Variants in TFRC observed in about 807,000 individuals in gnomAD.
TFRC encodes the protein transferrin receptor protein 1.
TFRC carries 35 observed loss-of-function variants against 85.8 expected under a neutral mutation model. The ratio of observed to expected loss-of-function variants is 0.41; its 90% CI spans 0.31 to 0.54. The LOEUF is 0.54. Among genes scored for constraint, TFRC ranks in the 20% least tolerant of loss-of-function variants. TFRC has a pLI of 0.31. For synonymous variants in TFRC, 362 were observed against 328.6 expected, an observed-to-expected ratio of 1.10 and a Z score of -1.10; for missense variants, 828 against 921.5, an observed-to-expected ratio of 0.90 and a Z score of 1.31.
Position 196,051,221 on chromosome 3 carries a change from A to G in TFRC, c.*721T>C, listed in dbSNP as rs1716278343. The G allele has an allele frequency of 4.6e-6, 1 of 217,530 alleles. No homozygotes were observed. The highest frequency in any genetic ancestry group is 2.2e-5 in the African/African-American group (1 of 44,458). The allele number at this position is 217,530 out of a possible 1,614,324, so 13.5% of individuals were successfully genotyped here. ...TCAATGTGCTTTGGAAGAAACAAAAATAACAAAGAACTAAATGGAGGCTTA... is the reference window on the plus strand; with the variant it reads ...TCAATGTGCTTTGGAAGAAACAAAAGTAACAAAGAACTAAATGGAGGCTTA... On this transcript the variant is annotated 3_prime_UTR_variant, in exon 19 of 19. Coordinates refer to ENST00000360110, the MANE Select transcript of TFRC (RefSeq NM_001128148.3).
chr3:196,076,252 T>G (rs893022189), intron 2 of TFRC, among the ~76,000 whole-genome samples: 5 of 151,910 alleles, frequency 3.3e-5, no homozygotes, highest in African/African-American at 9.6e-5. Context: ...TGGATGGCTG[T>G]TTTTTTTGTA....
At chr3:196,061,942 G>A (rs1717317757) in intron 13 of TFRC, among the ~76,000 whole-genome samples, 1 of 152,192 alleles carries the variant, frequency 6.6e-6, no homozygotes, top group South Asian at 2.1e-4. Context: ...TGTGCTCACT[G>A]TGTAACTTGA....
chr3:196,066,370 C>T (rs1402056226), intron 9 of TFRC, among the ~76,000 whole-genome samples: 2 of 151,704 alleles, frequency 1.3e-5, no homozygotes, highest in African/African-American at 4.8e-5. Flanking sequence ...AGGCAGAATT[C>T]CTTGAACCCA....
At chr3:196,055,864 GTC>G (rs551443980) in intron 16 of TFRC, among the ~76,000 whole-genome samples, 3 of 144,020 alleles carry the variant, frequency 2.1e-5, no homozygotes, top group Admixed American at 7.0e-5. Flanking sequence ...TTGAGACGAG[GTC>G]TCTCTCTGTC....
chr3:196,052,293 T>TAA, intron 18 of TFRC, 109 bp from the exon 19 acceptor site: 2 of 54,282 alleles, frequency 3.7e-5, no homozygotes, highest in Non-Finnish European at 6.7e-5. Flanking sequence ...CCGATCAGAC[T>TAA]TTTTTTTTTT....
At position 196,064,313 on chromosome 3, in the gene TFRC, T is replaced by C; in HGVS notation, c.1314A>G (p.Leu438=). 6.2e-7 allele frequency: 1 copy of C among 1,607,964 alleles called. No homozygotes were observed. The highest frequency in any genetic ancestry group is 2.2e-5 in the East Asian group (1 of 44,806). ...KLAQMFSDMV[L]KDGFQPSRSI... ...GAATCAAAATTTGTACTCTACCTTT[T>C]AAGACCATATCTGAGAACATCTGGG... The change falls in exon 11 of 19, where the codon TTA becomes TTG. Residue 438 remains leucine, a synonymous_variant. Coordinates refer to ENST00000360110, the MANE Select transcript of TFRC (RefSeq NM_001128148.3).
intron 16 of TFRC, 50 bp from the exon 17 acceptor site, chr3:196,055,351 A>C: frequency 6.6e-7 from 1 of 1,504,598 alleles, no homozygotes; most frequent in Non-Finnish European, 9.3e-7. Context: ...TAAGAGCAAG[A>C]GCCTCACATT....
chr3:196,060,798 A>AAAG (rs1717216439), intron 13 of TFRC, among the ~76,000 whole-genome samples: 1 of 27,220 alleles, frequency 3.7e-5, no homozygotes, highest in Non-Finnish European at 7.5e-5. Context: ...ACTCCATCTC[A>AAAG]AAAAAAAAAA....
intron 5 of TFRC, among the ~76,000 whole-genome samples, 163 bp from the exon 6 acceptor site, chr3:196,071,661 C>A (rs1718218471): frequency 6.6e-6 from 1 of 152,240 alleles, no homozygotes; most frequent in South Asian, 2.1e-4. Context: ...CGGTGGCTCA[C>A]GCCTGTAATC....
At chr3:196,053,305 T>A in intron 18 of TFRC, 113 bp downstream of exon 18, 1 of 1,176,320 alleles carries the variant, frequency 8.5e-7, no homozygotes, top group Non-Finnish European at 1.2e-6. Context: ...CCATTAATGC[T>A]CCCTTCTTAA....
At chr3:196,069,709 A>G in intron 6 of TFRC, 141 bp from the exon 7 acceptor site, 1 of 547,040 alleles carries the variant, frequency 1.8e-6, no homozygotes, top group Non-Finnish European at 3.2e-6. Context: ...TAAAAAAGAC[A>G]TGAGTTCTAA....
At chr3:196,068,574 G>GCA in intron 7 of TFRC, among the ~76,000 whole-genome samples, 1 of 122,034 alleles carries the variant, frequency 8.2e-6, no homozygotes, top group East Asian at 2.5e-4. Flanking sequence ...TTGCGCCACT[G>GCA]CACTCCAGCC....
At chr3:196,065,206 G>A (rs1398924476) in intron 10 of TFRC, among the ~76,000 whole-genome samples, 3 of 149,136 alleles carry the variant, frequency 2.0e-5, no homozygotes, top group African/African-American at 7.4e-5. Flanking sequence ...AAATTGCAGT[G>A]AGCCGAGATC....
chr3:196,067,592 T>C lies in TFRC; in HGVS notation c.966A>G (p.Pro322=). The C allele has an allele frequency of 6.2e-7, 1 of 1,614,078 alleles. No individual in the cohort carries two copies. The highest frequency in any genetic ancestry group is 8.5e-7 in the Non-Finnish European group (1 of 1,180,010). The change falls in exon 9 of 19, where the codon CCA becomes CCG. Residue 322 remains proline (P), a synonymous_variant. Transcript: ENST00000360110. ...TAGGCAATCCTGATGACCGAGATGG[T>C]GGAAACTGAGTGTGATTGAAGGAAG... ...GFPSFNHTQF[P]PSRSSGLPNI... is the part of the protein sequence containing the mutation.
intron 1 of TFRC, among the ~76,000 whole-genome samples, chr3:196,079,661 G>C (rs1055382053): frequency 1.3e-5 from 2 of 152,094 alleles, no homozygotes; most frequent in Non-Finnish European, 2.9e-5. Context: ...TGTTATCTTT[G>C]GTGTTCTCAA....
intron 14 of TFRC, among the ~76,000 whole-genome samples, chr3:196,059,708 AC>A (rs1276449373): frequency 6.6e-6 from 1 of 151,730 alleles, no homozygotes; most frequent in African/African-American, 2.4e-5. Context: ...GGTGCACTGC[AC>A]CCACTAACTC....
At chr3:196,081,761 G>GGAAGGGACGAGAGGC (rs41300403) in intron 1 of TFRC, 6,244 of 152,014 alleles carry the variant, frequency 0.041, 437 homozygotes, top group African/African-American at 0.14. Flanking sequence ...CAGAGAGAAG[G>GGAAGGGACGAGAGGC]GAAGGGACGA....
intron 16 of TFRC, among the ~76,000 whole-genome samples, chr3:196,057,799 C>A (rs796833670): frequency 0.019 from 2,539 of 135,956 alleles, 38 homozygotes; most frequent in African/African-American, 0.038. Flanking sequence ...AAAAAAAAAA[C>A]AAAACAAAAA....
At chr3:196,081,567 C>T (rs979589412) in intron 1 of TFRC, among the ~76,000 whole-genome samples, 3 of 152,224 alleles carry the variant, frequency 2.0e-5, no homozygotes, top group African/African-American at 7.2e-5. Context: ...TCCCCCGGCG[C>T]CGCACGCCGC....
Sources: gnomAD v4.1 joint callset for allele counts (sites outside exome capture counted in the v4.1 genomes callset) on GRCh38, gnomAD v4.1.1 for gene constraint, MANE v1.5 for transcripts, NCBI Gene and HGNC (gene_info 2026-07-23, HGNC 2026-07-21) for gene names.